Variants in LEPROT observed in about 807,000 individuals in gnomAD.
The protein encoded by LEPROT is leptin receptor gene-related protein.
Under a neutral mutation model 15.4 loss-of-function variants are expected in LEPROT, and 3 were observed. The ratio of observed to expected loss-of-function variants is 0.19; its 90% CI spans 0.09 to 0.50. The LOEUF (loss-of-function observed/expected upper bound fraction) is 0.50, where lower values mean the gene tolerates loss of function less well. Ranked by LOEUF, LEPROT falls within the 20% of genes least tolerant of loss-of-function variation. The pLI, the probability that LEPROT is intolerant of heterozygous loss-of-function variation, is 0.97. For missense variants in LEPROT, 137 were observed against 162.2 expected (o/e 0.84, Z 0.84); for synonymous variants, 59 against 57.5 (o/e 1.03, Z -0.12).
In LEPROT at chr1:65,432,318, TTGTAGTCCA is replaced by T. The variant is rs1184911206; in HGVS notation, c.*402_*410del. ...AGGCCGGGGTGGATCCCTCTTTGTG[TTGTAGTCCA>T]TGCTATTAAAAGTGTGGCCCACAGA... On this transcript the variant is annotated 3_prime_UTR_variant, in exon 4 of 4. Coordinates refer to ENST00000371065, the MANE Select transcript of LEPROT (RefSeq NM_017526.5). 1 of 990,850 alleles carries T rather than the reference TTGTAGTCCA, an allele frequency of 1.0e-6. No individual in the cohort carries two copies. 61.4% of individuals were successfully genotyped at this position (990,850 alleles called of 1,614,324 possible). A position where few individuals can be genotyped will look rare whatever the true frequency, so the allele number is the denominator to read the frequency against.
Position 65,434,078 on chromosome 1 carries a change from G to T in LEPROT, c.*2159G>T. 1 of 985,266 alleles carries T rather than the reference G, an allele frequency of 1.0e-6. No individual in the cohort carries two copies. Among genetic ancestry groups the T allele is most frequent in the Non-Finnish European group, 1.2e-6 (1 of 829,814 alleles). The allele number at this position is 985,266 out of a possible 1,614,324, so 61.0% of individuals were successfully genotyped here. A position where few individuals can be genotyped will look rare whatever the true frequency, so the allele number is the denominator to read the frequency against. ...TCAATAACCAAGGTAGCCTTCATATGTAGCCTTAAAGCATTACCTCTTGAT... is the reference window on the plus strand; with the variant it reads ...TCAATAACCAAGGTAGCCTTCATATTTAGCCTTAAAGCATTACCTCTTGAT... On this transcript the variant is annotated 3_prime_UTR_variant, in exon 4 of 4. Coordinates refer to ENST00000371065, the MANE Select transcript of LEPROT (RefSeq NM_017526.5).
At chr1:65,429,814 T>C in intron 2 of LEPROT, 48 bp from the exon 3 acceptor site, 1 of 1,353,258 alleles carries the variant, frequency 7.4e-7, no homozygotes, top group African/African-American at 1.5e-5. Context: ...TCATTTAAAA[T>C]GTAACTGTTA....
In LEPROT at chr1:65,433,826, T is replaced by C. The variant is rs1646521261; in HGVS notation, c.*1907T>C. On this transcript the variant is annotated 3_prime_UTR_variant, in exon 4 of 4. Coordinates refer to ENST00000371065, the MANE Select transcript of LEPROT (RefSeq NM_017526.5). ...TTAAAAGTTTAACTTTAAAATTTTT[T>C]TGTGATGTTGCCTTGCCTGAAAAGA... 1.0e-6 allele frequency: 1 copy of C among 983,842 alleles called. No individual in the cohort carries two copies. Among genetic ancestry groups the C allele is most frequent in the African/African-American group, 1.7e-5 (1 of 57,212 alleles). 60.9% of individuals were successfully genotyped at this position (983,842 alleles called of 1,614,324 possible). A position where few individuals can be genotyped will look rare whatever the true frequency, so the allele number is the denominator to read the frequency against.
chr1:65,428,650 C>T (rs1646425869), intron 2 of LEPROT, among the ~76,000 whole-genome samples: 1 of 152,074 alleles, frequency 6.6e-6, no homozygotes, highest in African/African-American at 2.4e-5. Context: ...CTTGTAGGTG[C>T]TGTCTGGGCG....
chr1:65,434,049 A>AT lies in LEPROT; in HGVS notation c.*2134dup. 1 of 985,340 alleles carries AT rather than the reference A, an allele frequency of 1.0e-6. No homozygotes were observed. The highest frequency in any genetic ancestry group is 1.2e-6 in the Non-Finnish European group (1 of 829,864). The allele number at this position is 985,340 out of a possible 1,614,324, so 61.0% of individuals were successfully genotyped here. Reference sequence around the variant, plus strand: ...AAAAGTGTTTTTGTTGCTTATACACATTTTCAATAACCAAGGTAGCCTTCA... The same window carrying AT: ...AAAAGTGTTTTTGTTGCTTATACACATTTTTCAATAACCAAGGTAGCCTTCA... On this transcript the variant is annotated 3_prime_UTR_variant, in exon 4 of 4. Transcript: ENST00000371065.
At chr1:65,421,272 A>G in intron 1 of LEPROT, 3 of 1,471,700 alleles carry the variant, frequency 2.0e-6, no homozygotes, top group Non-Finnish European at 2.7e-6. Flanking sequence ...CGTGGAGAGT[A>G]GATTACGTGT....
chr1:65,421,451 T>A, intron 1 of LEPROT: 1 of 1,536,162 alleles, frequency 6.5e-7, no homozygotes, highest in Non-Finnish European at 8.7e-7. Flanking sequence ...CAAGGCTTCC[T>A]GTATTTTGGT....
Position 65,435,863 on chromosome 1 carries a change from TGCAAAAATCCC to T in LEPROT, c.*3945_*3955del. ...CATTTTGTCTCATGAAGTACCTTAT[TGCAAAAATCCC>T]ACTGAGTAATAGCTCATAAATTATA... On this transcript the variant is annotated 3_prime_UTR_variant, in exon 4 of 4. Transcript: ENST00000371065. The T allele has an allele frequency of 1.0e-6, 1 of 983,984 alleles. No individual in the cohort carries two copies. Among genetic ancestry groups the T allele is most frequent in the South Asian group, 4.7e-5 (1 of 21,254 alleles). The allele number at this position is 983,984 out of a possible 1,614,324, so 61.0% of individuals were successfully genotyped here. A position where few individuals can be genotyped will look rare whatever the true frequency, so the allele number is the denominator to read the frequency against.
chr1:65,423,122 A>G (rs1395059998), intron 1 of LEPROT, among the ~76,000 whole-genome samples: 2 of 152,064 alleles, frequency 1.3e-5, no homozygotes, highest in African/African-American at 4.8e-5. Context: ...CGTGTTACAC[A>G]TGTTGAATTT....
In LEPROT at chr1:65,432,959, A is replaced by C; in HGVS notation, c.*1040A>C. On this transcript the variant is annotated 3_prime_UTR_variant, in exon 4 of 4. Transcript: ENST00000371065. Reference sequence around the variant, plus strand: ...ATATAATCAAAATAAAAAACAAAACATACTCTCTCCCCCAAAAAAACATCT... The same window carrying C: ...ATATAATCAAAATAAAAAACAAAACCTACTCTCTCCCCCAAAAAAACATCT... The C allele has an allele frequency of 1.0e-6, 1 of 985,128 alleles. No individual in the cohort carries two copies. Among genetic ancestry groups the C allele is most frequent in the Non-Finnish European group, 1.2e-6 (1 of 829,686 alleles). 61.0% of individuals were successfully genotyped at this position (985,128 alleles called of 1,614,324 possible).
intron 1 of LEPROT, chr1:65,421,206 T>C: frequency 9.6e-7 from 1 of 1,042,252 alleles, no homozygotes; most frequent in Non-Finnish European, 1.3e-6. Flanking sequence ...CTGGGCAGAG[T>C]TGACCGCGGG....
intron 1 of LEPROT, 127 bp from the exon 2 acceptor site, chr1:65,425,176 C>A (rs940484961): frequency 4.1e-6 from 3 of 723,504 alleles, no homozygotes; most frequent in Non-Finnish European, 4.8e-6. Context: ...TATCTAATTC[C>A]AGAAAATTTA....
chr1:65,425,524 G>T, intron 2 of LEPROT, 146 bp downstream of exon 2: 2 of 614,354 alleles, frequency 3.3e-6, no homozygotes, highest in South Asian at 4.7e-5. Flanking sequence ...CCCTTTGTGG[G>T]TCAGGTGTAC....
At chr1:65,421,288 T>C in intron 1 of LEPROT, 1 of 1,497,844 alleles carries the variant, frequency 6.7e-7, no homozygotes, top group Non-Finnish European at 8.9e-7. Context: ...CGTGTAATTT[T>C]AATACTGCTT....
rs1646531714 is a variant in LEPROT at position 65,434,495 on chromosome 1, CAA to C, written c.*2577_*2578del. On this transcript the variant is annotated 3_prime_UTR_variant, in exon 4 of 4. Coordinates refer to ENST00000371065, the MANE Select transcript of LEPROT (RefSeq NM_017526.5). ...ACTTTGAGACACTTTTCCACAGAAA[CAA>C]TACTATGAATTGGTGATTGAGTTCC... The C allele has an allele frequency of 1.0e-6, 1 of 984,994 alleles. No individual in the cohort carries two copies. Among genetic ancestry groups the C allele is most frequent in the Non-Finnish European group, 1.2e-6 (1 of 829,732 alleles). 61.0% of individuals were successfully genotyped at this position (984,994 alleles called of 1,614,324 possible).
rs898698911 is a variant in LEPROT at position 65,425,192 on chromosome 1, C to T, written c.17-111C>T. On this transcript the variant is annotated intron_variant, in intron 1 of 3. Coordinates refer to ENST00000371065, the MANE Select transcript of LEPROT (RefSeq NM_017526.5). Reference sequence around the variant, plus strand: ...ATCTAATTCCAGAAAATTTACTCATCCGCCAAAGAAACTCTGGACCTATTA... The same window carrying T: ...ATCTAATTCCAGAAAATTTACTCATTCGCCAAAGAAACTCTGGACCTATTA... 4 of 829,920 alleles carry T rather than the reference C, an allele frequency of 4.8e-6. No individual in the cohort carries two copies. In the Admixed American group the frequency reaches 7.8e-5, roughly 16 times the overall value. 51.4% of individuals were successfully genotyped at this position (829,920 alleles called of 1,614,324 possible). A position where few individuals can be genotyped will look rare whatever the true frequency, so the allele number is the denominator to read the frequency against.
rs1443662618 is a variant in LEPROT at position 65,434,369 on chromosome 1, C to A, written c.*2450C>A. ...TATTTGGAGATTCAGAGCATAGTGA[C>A]TATAGTCGAAAACTGAGATTGCACT... On this transcript the variant is annotated 3_prime_UTR_variant, in exon 4 of 4. Transcript: ENST00000371065. 1.4e-4 allele frequency: 142 copies of A among 985,140 alleles called. No homozygotes were observed. Among genetic ancestry groups the A allele is most frequent in the Non-Finnish European group, 1.6e-4 (132 of 829,904 alleles). 61.0% of individuals were successfully genotyped at this position (985,140 alleles called of 1,614,324 possible).
chr1:65,432,737 G>C lies in LEPROT; in HGVS notation c.*818G>C, dbSNP rs145686430. 34 of 651,406 alleles carry C rather than the reference G, an allele frequency of 5.2e-5. No individual in the cohort carries two copies. In the East Asian group the frequency reaches 4.2e-3, roughly 81 times the overall value. The allele number at this position is 651,406 out of a possible 1,614,324, so 40.4% of individuals were successfully genotyped here. ...GGAATAAGTGTGATTTTTTTTTAAA[G>C]ATCACTTGCACAGCATGCTAAATAT... On this transcript the variant is annotated 3_prime_UTR_variant, in exon 4 of 4. Coordinates refer to ENST00000371065, the MANE Select transcript of LEPROT (RefSeq NM_017526.5).
At chr1:65,422,859 C>T (rs1232285117) in intron 1 of LEPROT, among the ~76,000 whole-genome samples, 2 of 152,146 alleles carry the variant, frequency 1.3e-5, no homozygotes, top group Non-Finnish European at 2.9e-5. Flanking sequence ...GTGGAAGCAA[C>T]CGCAAAGGGA....
Sources: gnomAD v4.1 joint callset for allele counts (sites outside exome capture counted in the v4.1 genomes callset) on GRCh38, gnomAD v4.1.1 for gene constraint, MANE v1.5 for transcripts, NCBI Gene and HGNC (gene_info 2026-07-23, HGNC 2026-07-21) for gene names.